The following S100A10 variants were observed in gnomAD, a reference collection of about 807,000 sequenced individuals.
S100A10 encodes protein S100-A10.
In S100A10, 3 loss-of-function variants were observed where a neutral mutation model predicts 7.1. That is an observed-to-expected ratio of 0.42 (90% CI 0.19 to 1.10). S100A10 has a LOEUF of 1.10. Ranked by LOEUF, S100A10 falls within the 50% of genes least tolerant of loss-of-function variation. The pLI, the probability that S100A10 is intolerant of heterozygous loss-of-function variation, is 0.29. For missense variants in S100A10, 101 were observed against 118.1 expected (o/e 0.86, Z 0.67); for synonymous variants, 41 against 39.3 (o/e 1.04, Z -0.16).
At chr1:151,990,318 C>T (rs1655879977) in intron 1 of S100A10, among the ~76,000 whole-genome samples, 1 of 152,122 alleles carries the variant, frequency 6.6e-6, no homozygotes, top group South Asian at 2.1e-4. Flanking sequence ...TGCTCCTTCT[C>T]TTCTAACACT....
At chr1:151,984,285 T>G (rs1374602313) in intron 2 of S100A10, 1 of 152,200 alleles carries the variant, frequency 6.6e-6, no homozygotes, top group Non-Finnish European at 1.5e-5. Flanking sequence ...GTGTGCTAGA[T>G]GTTTCTAAAT....
intron 1 of S100A10, among the ~76,000 whole-genome samples, chr1:151,991,081 T>C (rs922327806): frequency 1.3e-5 from 2 of 151,968 alleles, no homozygotes; most frequent in African/African-American, 4.8e-5. Flanking sequence ...GTCTTGTCCA[T>C]ACCCTAGTTT....
At chr1:151,989,125 C>G (rs962983588) in intron 1 of S100A10, among the ~76,000 whole-genome samples, 1 of 152,176 alleles carries the variant, frequency 6.6e-6, no homozygotes, top group African/African-American at 2.4e-5. Flanking sequence ...TTAGGAGGTT[C>G]TAAGAAATAC....
intron 2 of S100A10, among the ~76,000 whole-genome samples, chr1:151,984,872 T>A (rs1257993111): frequency 6.6e-6 from 1 of 152,180 alleles, no homozygotes; most frequent in African/African-American, 2.4e-5. Flanking sequence ...AACCTGCCCA[T>A]TGTTAGTTAA....
At chr1:151,988,170 G>A (rs1219543089) in intron 1 of S100A10, among the ~76,000 whole-genome samples, 1 of 152,218 alleles carries the variant, frequency 6.6e-6, no homozygotes, top group Non-Finnish European at 1.5e-5. Flanking sequence ...GACCCAGTAC[G>A]TGGTACTTAA....
intron 1 of S100A10, among the ~76,000 whole-genome samples, chr1:151,988,898 C>T (rs1655850328): frequency 6.6e-6 from 1 of 152,152 alleles, no homozygotes; most frequent in Non-Finnish European, 1.5e-5. Context: ...TCTTAAATAA[C>T]TCAGGAAAGG....
intron 1 of S100A10, among the ~76,000 whole-genome samples, chr1:151,988,699 C>A (rs1223065682): frequency 6.6e-6 from 1 of 152,174 alleles, no homozygotes; most frequent in African/African-American, 2.4e-5. Flanking sequence ...CCAGGGGAAC[C>A]ACACCCTTTT....
chr1:151,989,344 G>A (rs1006302625), intron 1 of S100A10, among the ~76,000 whole-genome samples: 2 of 152,072 alleles, frequency 1.3e-5, no homozygotes, highest in East Asian at 3.9e-4. Context: ...CTCCCCCAGC[G>A]GTTTTATTCA....
chr1:151,987,764 G>A (rs1426944606), intron 1 of S100A10, among the ~76,000 whole-genome samples: 3 of 151,966 alleles, frequency 2.0e-5, no homozygotes, highest in Non-Finnish European at 1.5e-5. Context: ...TCCTGACCTC[G>A]TGATCCGCCC....
In S100A10 at chr1:151,983,163, C is replaced by G; in HGVS notation, c.294G>C (p.Ter98TyrextTer28). Residue 98 changes from the stop codon to tyrosine (Y), a stop_lost, in exon 3 of 3, where the codon TAG (stop) becomes TAC (tyrosine). Transcript: ENST00000368811. ...VVHMKQKGKK* is the reference protein window; with the variant it reads ...VVHMKQKGKKY The stretch of plus-strand genomic sequence containing the variant: ...GGAGGAGCGAACTGCTCATTTCTGC[C>G]TACTTCTTTCCCTTCTGCTTCATGT... The G allele has an allele frequency of 6.4e-7, 1 of 1,566,928 alleles. No homozygotes were observed.
chr1:151,990,288 T>C (rs1655878929), intron 1 of S100A10, among the ~76,000 whole-genome samples: 1 of 152,276 alleles, frequency 6.6e-6, no homozygotes, highest in Admixed American at 6.5e-5. Context: ...TAAACAGGTC[T>C]AGTCAGAATG....
In S100A10 at chr1:151,983,163, C is replaced by T. The variant is rs767755911; in HGVS notation, c.294G>A (p.Ter98=). ...VVHMKQKGKK[*] is the part of the protein sequence containing the mutation. ...GGAGGAGCGAACTGCTCATTTCTGC[C>T]TACTTCTTTCCCTTCTGCTTCATGT... Residue 98 remains the stop codon, a stop_retained_variant, in exon 3 of 3, where the codon TAG becomes TAA. Coordinates refer to ENST00000368811, the MANE Select transcript of S100A10 (RefSeq NM_002966.3). 6.4e-7 allele frequency: 1 copy of T among 1,566,928 alleles called. No individual in the cohort carries two copies. The highest frequency in any genetic ancestry group is 1.2e-5 in the South Asian group (1 of 82,396).
intron 1 of S100A10, 79 bp from the exon 2 acceptor site, chr1:151,986,330 T>C (rs1655791218): frequency 3.9e-6 from 4 of 1,025,754 alleles, no homozygotes; most frequent in South Asian, 1.8e-5. Flanking sequence ...TTTTTTTAAA[T>C]TGAAAGATAA....
chr1:151,992,424 G>C (rs1655925254), intron 1 of S100A10: 1 of 152,134 alleles, frequency 6.6e-6, no homozygotes, highest in African/African-American at 2.4e-5. Flanking sequence ...AACGAAAAGC[G>C]GTCTCGCCAA....
chr1:151,985,710 C>A (rs1013184264), intron 2 of S100A10, among the ~76,000 whole-genome samples: 7 of 152,204 alleles, frequency 4.6e-5, no homozygotes, highest in African/African-American at 1.7e-4. Context: ...GTTGACTACT[C>A]TTTTGTGAAA....
At chr1:151,991,703 G>T (rs930400354) in intron 1 of S100A10, among the ~76,000 whole-genome samples, 7 of 152,178 alleles carry the variant, frequency 4.6e-5, no homozygotes, top group Non-Finnish European at 5.9e-5. Context: ...AATCCTGAAA[G>T]AATTCCATTG....
chr1:151,987,532 T>G (rs1425384652), intron 1 of S100A10, among the ~76,000 whole-genome samples: 1 of 143,560 alleles, frequency 7.0e-6, no homozygotes, highest in Non-Finnish European at 1.5e-5. Context: ...TGGGTATATA[T>G]GTATTCTTTT....
intron 2 of S100A10, among the ~76,000 whole-genome samples, chr1:151,985,668 A>G (rs3791153): frequency 0.3 from 45,614 of 152,068 alleles, 7,159 homozygotes; most frequent in South Asian, 0.54. Flanking sequence ...CTCCACCACC[A>G]GGTTTTTGGA....
Position 151,983,091 on chromosome 1 carries a change from C to G in S100A10, c.*72G>C, listed in dbSNP as rs980519001. The G allele has an allele frequency of 9.3e-7, 1 of 1,073,868 alleles. No individual in the cohort carries two copies. The highest frequency in any genetic ancestry group is 2.8e-5 in the Admixed American group (1 of 36,234). 66.5% of individuals were successfully genotyped at this position (1,073,868 alleles called of 1,614,324 possible). A position where few individuals can be genotyped will look rare whatever the true frequency, so the allele number is the denominator to read the frequency against. On this transcript the variant is annotated 3_prime_UTR_variant, in exon 3 of 3. Coordinates refer to ENST00000368811, the MANE Select transcript of S100A10 (RefSeq NM_002966.3). ...TCATGAAATCCTTCTATGGGGGAAGCTGTGGGGCAGATTCCTTAAGCGACC... is the reference window on the plus strand; with the variant it reads ...TCATGAAATCCTTCTATGGGGGAAGGTGTGGGGCAGATTCCTTAAGCGACC...
Sources: gnomAD v4.1 joint callset for allele counts (sites outside exome capture counted in the v4.1 genomes callset) on GRCh38, gnomAD v4.1.1 for gene constraint, MANE v1.5 for transcripts, NCBI Gene and HGNC (gene_info 2026-07-23, HGNC 2026-07-21) for gene names.